Variants in DCT observed in about 807,000 individuals in gnomAD.
DCT encodes the protein L-dopachrome tautomerase.
Under a neutral mutation model 53.0 loss-of-function variants are expected in DCT, and 47 were observed. The observed-to-expected ratio is 0.89, with a 90% CI of 0.70 to 1.13. The LOEUF is 1.13. Ranked by LOEUF, DCT falls within the 50% of genes most tolerant of loss-of-function variation. The pLI is 0.00. For missense variants in DCT, 669 were observed against 637.4 expected (o/e 1.05, Z -0.53); for synonymous variants, 244 against 237.0 (o/e 1.03, Z -0.27).
chr13:94,486,279 T>C, the DCT span, among the ~76,000 whole-genome samples: 1 of 152,368 alleles, frequency 6.6e-6, no homozygotes, highest in African/African-American at 2.4e-5. Flanking sequence ...CTTGCTTTCC[T>C]TACCTTTTGT....
upstream of DCT, among the ~76,000 whole-genome samples, chr13:94,483,433 GC>G (rs1885531373): frequency 7.6e-6 from 1 of 132,092 alleles, no homozygotes; most frequent in African/African-American, 2.7e-5. Context: ...TTTCCCACAG[GC>G]GTTTCTCCCT....
the DCT span, among the ~76,000 whole-genome samples, chr13:94,486,273 C>T: frequency 7.2e-5 from 11 of 152,344 alleles, no homozygotes; most frequent in Non-Finnish European, 8.8e-5. Flanking sequence ...GCTAAGCTTG[C>T]TTTCCTTACC....
intron 7 of DCT, among the ~76,000 whole-genome samples, 161 bp downstream of exon 7, chr13:94,443,275 A>G (rs2892680): frequency 0.8 from 121,951 of 152,210 alleles, 50,310 homozygotes; most frequent in African/African-American, 0.93. Context: ...TTAAAGGCTC[A>G]TTTTGCTAAA....
chr13:94,492,434 G>A, the DCT span, among the ~76,000 whole-genome samples: 1 of 152,302 alleles, frequency 6.6e-6, no homozygotes, highest in East Asian at 1.9e-4. Flanking sequence ...TCCTGCAGGA[G>A]ATTGGACACC....
upstream of DCT, among the ~76,000 whole-genome samples, chr13:94,484,176 G>C (rs939118458): frequency 6.6e-6 from 1 of 152,130 alleles, no homozygotes; most frequent in Non-Finnish European, 1.5e-5. Flanking sequence ...TTTTCATTCT[G>C]CTAATTTTGC....
intron 6 of DCT, chr13:94,444,453 C>G: frequency 2.0e-6 from 1 of 505,388 alleles, no homozygotes; most frequent in South Asian, 1.4e-5. Flanking sequence ...AGGTAATGTA[C>G]AAAGTGCTCA....
the DCT span, among the ~76,000 whole-genome samples, chr13:94,485,646 G>A: frequency 6.6e-6 from 1 of 152,238 alleles, no homozygotes; most frequent in East Asian, 1.9e-4. Context: ...ATAAAGGCAG[G>A]TCACTCTTTC....
the DCT span, among the ~76,000 whole-genome samples, chr13:94,528,705 CA>C: frequency 6.6e-6 from 1 of 152,164 alleles, no homozygotes; most frequent in Non-Finnish European, 1.5e-5. Flanking sequence ...TGGTAAAGAG[CA>C]TCGACACTAT....
the DCT span, among the ~76,000 whole-genome samples, chr13:94,523,631 G>A: frequency 2.6e-5 from 4 of 152,140 alleles, no homozygotes; most frequent in Admixed American, 2.0e-4. Flanking sequence ...ACAGTGTTCC[G>A]TCTTCATATC....
rs1459625951 is a variant in DCT at position 94,479,421 on chromosome 13, T to G, written c.-166A>C. The G allele has an allele frequency of 3.0e-6, 2 of 663,758 alleles. No individual in the cohort carries two copies. Among genetic ancestry groups the G allele is most frequent in the Non-Finnish European group, 5.0e-6 (2 of 399,556 alleles). 41.1% of individuals were successfully genotyped at this position (663,758 alleles called of 1,614,324 possible). A position where few individuals can be genotyped will look rare whatever the true frequency, so the allele number is the denominator to read the frequency against. ...AAATACCCACAAGAATCACAGAGGT[T>G]ACATGTGTGCACATGTGTACATGAA... On this transcript the variant is annotated 5_prime_UTR_variant, in exon 1 of 8. It removes the in-frame stop codon of an upstream open reading frame in the 5' UTR. Transcript: ENST00000377028.
chr13:94,448,532 G>A (rs916240294), intron 6 of DCT, among the ~76,000 whole-genome samples: 2 of 152,168 alleles, frequency 1.3e-5, no homozygotes, highest in African/African-American at 4.8e-5. Context: ...AGTTAAAAAT[G>A]TTAAATACAA....
chr13:94,470,912 G>T (rs1884604719), intron 1 of DCT, among the ~76,000 whole-genome samples: 1 of 152,180 alleles, frequency 6.6e-6, no homozygotes, highest in Admixed American at 6.5e-5. Flanking sequence ...CACTGCCTAG[G>T]CCTGTGCTTA....
the DCT span, among the ~76,000 whole-genome samples, chr13:94,502,086 T>C: frequency 2.6e-4 from 6 of 23,466 alleles, no homozygotes; most frequent in Admixed American, 7.3e-4. Flanking sequence ...CCCCAGCCCC[T>C]ACTTCTGAGG....
At chr13:94,460,547 C>T (rs944246031) in intron 5 of DCT, among the ~76,000 whole-genome samples, 3 of 152,040 alleles carry the variant, frequency 2.0e-5, no homozygotes, top group African/African-American at 4.8e-5. Flanking sequence ...AGTACCATGC[C>T]CAGCAGATTG....
intron 6 of DCT, among the ~76,000 whole-genome samples, chr13:94,455,381 T>TAGAGAGAAAGAGAGAG (rs1555332122): frequency 7.1e-6 from 1 of 141,652 alleles, no homozygotes; most frequent in Admixed American, 7.1e-5. Context: ...GACTGTCTCT[T>TAGAGAGAAAGAGAGAG]AGAGAGAGAG....
the DCT span, among the ~76,000 whole-genome samples, chr13:94,487,402 G>A: frequency 6.6e-6 from 1 of 152,190 alleles, no homozygotes; most frequent in Admixed American, 6.5e-5. Flanking sequence ...GCACCAACTT[G>A]CACATAAGAA....
the DCT span, among the ~76,000 whole-genome samples, chr13:94,511,455 G>A: frequency 2.0e-5 from 3 of 151,516 alleles, no homozygotes; most frequent in Non-Finnish European, 4.4e-5. Context: ...CACCTCCTGG[G>A]TCCAAGTGAT....
At chr13:94,521,541 G>A in the DCT span, among the ~76,000 whole-genome samples, 1 of 152,156 alleles carries the variant, frequency 6.6e-6, no homozygotes, top group Admixed American at 6.5e-5. Flanking sequence ...GTGGTGGCCT[G>A]TGCCTGTAGT....
At chr13:94,509,599 A>T in the DCT span, among the ~76,000 whole-genome samples, 4 of 152,172 alleles carry the variant, frequency 2.6e-5, no homozygotes, top group African/African-American at 9.7e-5. Context: ...TCCTTGTCTT[A>T]AGCTACTTAG....
Sources: gnomAD v4.1 joint callset for allele counts (sites outside exome capture counted in the v4.1 genomes callset) on GRCh38, gnomAD v4.1.1 for gene constraint, MANE v1.5 for transcripts, NCBI Gene and HGNC (gene_info 2026-07-23, HGNC 2026-07-21) for gene names.